SUGCT: variants seen among roughly 807,000 people sequenced by gnomAD.
The protein encoded by SUGCT is succinyl-CoA:glutarate-CoA transferase, also known as succinyl-CoA:glutarate CoA-transferase.
A neutral mutation model predicts 55.0 loss-of-function variants in SUGCT; 41 were observed. That is an observed-to-expected ratio of 0.74 (90% confidence interval 0.58 to 0.97). The LOEUF (loss-of-function observed/expected upper bound fraction) is 0.97, where lower values mean the gene tolerates loss of function less well. SUGCT is among the 50% of genes least tolerant of loss of function. The pLI is 0.00. For missense variants in SUGCT, 568 were observed against 547.8 expected, an observed-to-expected ratio of 1.04 and a Z score of -0.37; for synonymous variants, 187 against 200.4, an observed-to-expected ratio of 0.93 and a Z score of 0.56.
At chr7:40,312,453 G>T (rs541373239) in intron 8 of SUGCT, among the ~76,000 whole-genome samples, 1 of 102,448 alleles carries the variant, frequency 9.8e-6, no homozygotes, top group African/African-American at 2.8e-5. Flanking sequence ...TACTACGCTG[G>T]TGAAATTATT....
intron 7 of SUGCT, among the ~76,000 whole-genome samples, chr7:40,257,586 A>G (rs964866771): frequency 4.6e-5 from 7 of 152,200 alleles, no homozygotes; most frequent in Non-Finnish European, 1.0e-4. Context: ...GTTAAAAAGA[A>G]AATTTAAGAC....
chr7:40,628,144 G>C (rs920289546), intron 12 of SUGCT, among the ~76,000 whole-genome samples: 5 of 152,314 alleles, frequency 3.3e-5, no homozygotes, highest in African/African-American at 1.2e-4. Flanking sequence ...GAGAGAGAGA[G>C]ACCATATCCA....
intron 9 of SUGCT, among the ~76,000 whole-genome samples, chr7:40,376,972 T>C (rs1784578567): frequency 6.6e-6 from 1 of 151,626 alleles, no homozygotes; most frequent in Admixed American, 6.6e-5. Flanking sequence ...AAAAATTTTG[T>C]GCCAATTTCT....
chr7:40,330,329 A>G (rs988662041), intron 9 of SUGCT, among the ~76,000 whole-genome samples: 1 of 152,202 alleles, frequency 6.6e-6, no homozygotes, highest in Non-Finnish European at 1.5e-5. Context: ...AGGTGAATAT[A>G]GGGACATTTA....
chr7:40,959,858 A>G, the SUGCT span, among the ~76,000 whole-genome samples: 1 of 152,198 alleles, frequency 6.6e-6, no homozygotes, highest in Non-Finnish European at 1.5e-5. Flanking sequence ...TGGGAAAAGC[A>G]TAGTATCTGG....
At chr7:41,031,432 A>G in the SUGCT span, among the ~76,000 whole-genome samples, 2 of 151,852 alleles carry the variant, frequency 1.3e-5, no homozygotes, top group Admixed American at 1.3e-4. Context: ...GAACAAAATC[A>G]TTTGGAATGG....
intron 12 of SUGCT, among the ~76,000 whole-genome samples, chr7:40,650,491 C>A (rs1800725245): frequency 6.6e-6 from 1 of 152,048 alleles, no homozygotes; most frequent in South Asian, 2.1e-4. Context: ...TGGTCCGCTC[C>A]CTGTGTATAT....
intron 13 of SUGCT, among the ~76,000 whole-genome samples, chr7:40,755,222 G>A (rs781079906): frequency 5.3e-5 from 8 of 152,200 alleles, no homozygotes; most frequent in Admixed American, 1.3e-4. Flanking sequence ...GGTAGGACTT[G>A]CGAGTGGAGC....
chr7:40,195,131 AC>A lies in SUGCT; in HGVS notation c.484+73del, dbSNP rs1402078209. The stretch of plus-strand genomic sequence containing the variant: ...CTGTGTTTTCTTATTGCTATAAGAA[AC>A]CTTTTGCTGGCTTTTTTTTTTTTTG... On this transcript the variant is annotated intron_variant, in intron 6 of 13. Coordinates refer to ENST00000335693, the MANE Select transcript of SUGCT (RefSeq NM_001193313.2). 6.4e-6 allele frequency: 9 copies of A among 1,397,062 alleles called. No homozygotes were observed. The African/African-American group carries it at 1.5e-4, about 23-fold the overall frequency. 86.5% of individuals were successfully genotyped at this position (1,397,062 alleles called of 1,614,324 possible). A position where few individuals can be genotyped will look rare whatever the true frequency, so the allele number is the denominator to read the frequency against.
chr7:40,826,089 A>G (rs1436879004), intron 13 of SUGCT, among the ~76,000 whole-genome samples: 1 of 152,202 alleles, frequency 6.6e-6, no homozygotes, highest in East Asian at 1.9e-4. Flanking sequence ...TTAAATCCTC[A>G]TATTGCACGG....
intron 12 of SUGCT, among the ~76,000 whole-genome samples, chr7:40,534,615 C>T (rs1176951771): frequency 1.3e-5 from 2 of 152,106 alleles, no homozygotes; most frequent in Admixed American, 6.5e-5. Flanking sequence ...GACGGGGTTT[C>T]GGCATGTTGG....
intron 12 of SUGCT, among the ~76,000 whole-genome samples, chr7:40,608,722 G>C (rs1798632896): frequency 6.6e-6 from 1 of 151,998 alleles, no homozygotes; most frequent in East Asian, 1.9e-4. Flanking sequence ...ATGTCCTTTT[G>C]TACTTTAGTA....
the SUGCT span, among the ~76,000 whole-genome samples, chr7:40,936,829 G>A: frequency 0.53 from 80,896 of 151,590 alleles, 21,936 homozygotes; most frequent in Admixed American, 0.58. Flanking sequence ...CTGTTTTTAA[G>A]TTTTTCTTAT....
At chr7:40,746,640 TA>T (rs1386340921) in intron 12 of SUGCT, among the ~76,000 whole-genome samples, 1 of 151,928 alleles carries the variant, frequency 6.6e-6, no homozygotes, top group African/African-American at 2.4e-5. Context: ...GCAATCGGCA[TA>T]GGGGTGGAGA....
At chr7:40,766,469 C>CA (rs1788797170) in intron 13 of SUGCT, among the ~76,000 whole-genome samples, 1 of 152,170 alleles carries the variant, frequency 6.6e-6, no homozygotes, top group Admixed American at 6.5e-5. Context: ...CTCGGCCTCC[C>CA]AAAGTGCTGG....
chr7:40,737,441 T>C (rs1320909370), intron 12 of SUGCT, among the ~76,000 whole-genome samples: 1 of 152,214 alleles, frequency 6.6e-6, no homozygotes, highest in African/African-American at 2.4e-5. Flanking sequence ...TTTATTATAA[T>C]TTATGTCTAT....
chr7:40,217,011 C>T (rs896598491), intron 6 of SUGCT, among the ~76,000 whole-genome samples: 1 of 151,740 alleles, frequency 6.6e-6, no homozygotes, highest in Non-Finnish European at 1.5e-5. Flanking sequence ...CTGGCATTTC[C>T]CCCCCCTCAG....
intron 11 of SUGCT, among the ~76,000 whole-genome samples, chr7:40,488,598 C>T (rs951612129): frequency 1.4e-4 from 21 of 152,178 alleles, no homozygotes; most frequent in Admixed American, 2.0e-4. Context: ...TTTCATATTA[C>T]TCACTCATGT....
At chr7:40,710,134 T>C (rs1484029980) in intron 12 of SUGCT, among the ~76,000 whole-genome samples, 1 of 152,146 alleles carries the variant, frequency 6.6e-6, no homozygotes, top group Non-Finnish European at 1.5e-5. Context: ...TAGATATTGC[T>C]CCTCTTTTCA....
Sources: allele counts gnomAD v4.1 joint callset (sites outside exome capture counted in the v4.1 genomes callset), GRCh38; gene constraint gnomAD v4.1.1; transcripts MANE v1.5; gene names NCBI Gene and HGNC (gene_info 2026-07-23, HGNC 2026-07-21).